The following PTPRS variants were observed in gnomAD, a reference collection of about 807,000 sequenced individuals.
The protein encoded by PTPRS is receptor-type tyrosine-protein phosphatase S.
PTPRS carries 63 observed loss-of-function variants against 215.3 expected under a neutral mutation model. The ratio of observed to expected loss-of-function variants is 0.29; its 90% CI spans 0.24 to 0.36. The LOEUF (loss-of-function observed/expected upper bound fraction) is 0.36. Ranked by LOEUF, PTPRS falls within the 10% of genes least tolerant of loss-of-function variation. The pLI is 1.00. For synonymous variants in PTPRS, 1,404 were observed against 1,191.4 expected (o/e 1.18, Z -3.68); for missense variants, 2,258 against 2,825.8 (o/e 0.80, Z 4.56).
At chr19:5,337,513 C>A (rs2050544061) in intron 1 of PTPRS, among the ~76,000 whole-genome samples, 1 of 152,218 alleles carries the variant, frequency 6.6e-6, no homozygotes, top group Admixed American at 6.5e-5. Context: ...TGGAGGTGTG[C>A]GCTGCCCTCA....
rs377699003 is a variant in PTPRS, at chr19:5,225,855, G to A, written c.2377-11C>T. 9.8e-5 allele frequency: 158 copies of A among 1,608,988 alleles called. No individual in the cohort carries two copies. The highest frequency in any genetic ancestry group is 8.1e-4 in the African/African-American group (61 of 74,910). On this transcript the variant is annotated splice_polypyrimidine_tract_variant and intron_variant, in intron 16 of 37. Transcript: ENST00000262963. ...TGTGATGACCATCTCCTGCAGGCAC[G>A]GCTGGGGGTCAGCACGACGGCTGGG... is the stretch of plus-strand genomic sequence containing the variant.
chr19:5,325,375 C>T (rs2147243857), intron 1 of PTPRS, among the ~76,000 whole-genome samples: 1 of 152,380 alleles, frequency 6.6e-6, no homozygotes, highest in East Asian at 1.9e-4. Context: ...AGTTCAACTG[C>T]TACGGAGTCG....
chr19:5,211,219 G>A (rs575296280), intron 33 of PTPRS, among the ~76,000 whole-genome samples: 27 of 152,292 alleles, frequency 1.8e-4, no homozygotes, highest in African/African-American at 2.9e-4. Flanking sequence ...GACATTTGGC[G>A]CTGGATTGTT....
Position 5,221,064 on chromosome 19 carries a change from T to C in PTPRS, c.3391A>G (p.Lys1131Glu). The C allele has an allele frequency of 4.3e-6, 7 of 1,613,768 alleles. No homozygotes were observed. The highest frequency in any genetic ancestry group is 5.1e-6 in the Non-Finnish European group (6 of 1,179,968). Reference sequence around the variant, plus strand: ...ATGATGAAGCCGTCAGCATCAGGCTTGGGGGCGACGCTGGGCTTGCCGTTG... The same window carrying C: ...ATGATGAAGCCGTCAGCATCAGGCTCGGGGGCGACGCTGGGCTTGCCGTTG... ...LLNGKPSVAP[K>E]PDADGFIMVY... The change falls in exon 20 of 38, where the codon AAG becomes GAG. Residue 1131 changes from lysine to glutamate, a missense_variant. Physicochemically the swap from Lys to Glu is moderately conservative, Grantham distance 56. This residue lies in a region of PTPRS where 927 missense variants were observed against 1,125.9 expected (regional missense o/e 0.82). Coordinates refer to ENST00000262963, the MANE Select transcript of PTPRS (RefSeq NM_002850.4).
rs769362751 is a variant in PTPRS at position 5,212,391 on chromosome 19, C to T, written c.4715G>A (p.Arg1572Gln). ...TGGCGGGTTGCAGGTCTTGACTCTCCGCAGGAAAGCCAGGAAGGGCGTTGG... is the reference window on the plus strand; with the variant it reads ...TGGCGGGTTGCAGGTCTTGACTCTCTGCAGGAAAGCCAGGAAGGGCGTTGG... ...EYPTPFLAFLRRVKTCNPPDA... is the reference protein window; with the variant it reads ...EYPTPFLAFLQRVKTCNPPDA... Residue 1572 changes from arginine (R) to glutamine (Q), a missense_variant, in exon 31 of 38, where the codon CGG (arginine) becomes CAG (glutamine). Transcript: ENST00000262963. 1.3e-5 allele frequency: 21 copies of T among 1,607,372 alleles called. No individual in the cohort carries two copies. Among genetic ancestry groups the T allele is most frequent in the East Asian group, 9.0e-5 (4 of 44,542 alleles).
At chr19:5,219,616 G>C (rs984228482) in intron 22 of PTPRS, 149 bp from the exon 23 acceptor site, 50 of 1,009,798 alleles carry the variant, frequency 5.0e-5, no homozygotes, top group Non-Finnish European at 6.8e-5. Flanking sequence ...ATGTGACCTG[G>C]TCCCTGCCAA....
At chr19:5,311,158 A>G (rs1033417636) in intron 1 of PTPRS, among the ~76,000 whole-genome samples, 1 of 151,932 alleles carries the variant, frequency 6.6e-6, no homozygotes, top group African/African-American at 2.4e-5. Flanking sequence ...GATTACAGGC[A>G]TGAGCCACTG....
intron 1 of PTPRS, among the ~76,000 whole-genome samples, chr19:5,305,334 C>G (rs964008802): frequency 6.6e-6 from 1 of 151,912 alleles, no homozygotes; most frequent in East Asian, 1.9e-4. Context: ...CCACTTGAGG[C>G]CAGGAGTTGA....
chr19:5,242,993 T>C (rs899549965), intron 11 of PTPRS, among the ~76,000 whole-genome samples: 1 of 152,106 alleles, frequency 6.6e-6, no homozygotes, highest in Admixed American at 6.5e-5. Flanking sequence ...GTCCTATATA[T>C]GTTTCTTAAG....
intron 9 of PTPRS, among the ~76,000 whole-genome samples, chr19:5,255,253 A>G (rs1463152294): frequency 6.6e-6 from 1 of 152,086 alleles, no homozygotes; most frequent in African/African-American, 2.4e-5. Context: ...CACCCCACCC[A>G]TGTTCTGACC....
rs1599865390 is a variant in PTPRS, at chr19:5,274,326, T to C, written c.110A>G (p.Lys37Arg). The change falls in exon 3 of 38, where the codon AAA becomes AGA. Residue 37 changes from lysine (K) to arginine (R), a missense_variant. This residue lies in a region of PTPRS where 508 missense variants were observed against 799.4 expected (regional missense o/e 0.64). Coordinates refer to ENST00000262963, the MANE Select transcript of PTPRS (RefSeq NM_002850.4). ...CAAEEPPRFI[K>R]EPKDQIGVSG... ...CACGCCGATCTGGTCCTTGGGTTCT[T>C]TGATAAACCTGGGGGGCTCTGGGGA... 2.0e-6 allele frequency: 3 copies of C among 1,489,006 alleles called. No homozygotes were observed. The highest frequency in any genetic ancestry group is 1.4e-5 in the African/African-American group (1 of 70,210). 92.2% of individuals were successfully genotyped at this position (1,489,006 alleles called of 1,614,324 possible). A position where few individuals can be genotyped will look rare whatever the true frequency, so the allele number is the denominator to read the frequency against.
At chr19:5,315,948 G>A (rs946995580) in intron 1 of PTPRS, among the ~76,000 whole-genome samples, 17 of 149,828 alleles carry the variant, frequency 1.1e-4, no homozygotes, top group Non-Finnish European at 2.1e-4. Context: ...TAAAAAATTT[G>A]CACAGATCTG....
At chr19:5,320,734 T>A (rs575230303) in intron 1 of PTPRS, among the ~76,000 whole-genome samples, 1 of 152,104 alleles carries the variant, frequency 6.6e-6, no homozygotes, top group Non-Finnish European at 1.5e-5. Flanking sequence ...CCTGGATTTC[T>A]TTACAATCGT....
intron 11 of PTPRS, among the ~76,000 whole-genome samples, chr19:5,243,631 C>T (rs957139872): frequency 3.3e-5 from 5 of 152,016 alleles, no homozygotes; most frequent in African/African-American, 1.2e-4. Context: ...AAGCACAGGC[C>T]ACCACGCCCG....
At chr19:5,242,172 C>G (rs964176967) in intron 11 of PTPRS, among the ~76,000 whole-genome samples, 3 of 150,206 alleles carry the variant, frequency 2.0e-5, no homozygotes, top group African/African-American at 7.4e-5. Flanking sequence ...GCGCTGGTCC[C>G]TCTAATGAGA....
chr19:5,226,468 C>T (rs147690698), intron 16 of PTPRS, among the ~76,000 whole-genome samples: 1,690 of 152,140 alleles, frequency 0.011, 30 homozygotes, highest in African/African-American at 0.039. Context: ...CAGTGGCTGA[C>T]GCCTGTAATC....
intron 4 of PTPRS, among the ~76,000 whole-genome samples, chr19:5,267,198 C>T (rs577238247): frequency 9.4e-4 from 125 of 132,814 alleles, no homozygotes; most frequent in African/African-American, 3.2e-3. Flanking sequence ...AAATGGAGAC[C>T]GGTGGTGATG....
intron 14 of PTPRS, among the ~76,000 whole-genome samples, chr19:5,230,102 G>A (rs2042894152): frequency 6.6e-6 from 1 of 152,200 alleles, no homozygotes; most frequent in Non-Finnish European, 1.5e-5. Context: ...ATTTGCACCA[G>A]GCAGTCCAGC....
chr19:5,206,060 T>TA lies in PTPRS; in HGVS notation c.*713dup, dbSNP rs545658474. 0.035 allele frequency among the ~76,000 whole-genome samples: 2,475 copies of TA among 70,230 alleles called. 45 individuals are homozygous for TA. Among genetic ancestry groups the TA allele is most frequent in the African/African-American group, 0.077 (1,471 of 18,990 alleles). The allele number at this position is 70,230 out of a possible 152,430, so 46.1% of individuals were successfully genotyped here. A position where few individuals can be genotyped will look rare whatever the true frequency, so the allele number is the denominator to read the frequency against. Reference sequence around the variant, plus strand: ...CACACTTTCTGATGGTAGGAAAAATTAAAAAAAAAAAAAAAAAAAAAAAAG... The same window carrying TA: ...CACACTTTCTGATGGTAGGAAAAATTAAAAAAAAAAAAAAAAAAAAAAAAAG... On this transcript the variant is annotated 3_prime_UTR_variant, in exon 38 of 38. Coordinates refer to ENST00000262963, the MANE Select transcript of PTPRS (RefSeq NM_002850.4).
Sources: gnomAD v4.1 joint callset for allele counts (sites outside exome capture counted in the v4.1 genomes callset) on GRCh38, gnomAD v4.1.1 for gene constraint, gnomAD v4.1.1 regional missense constraint, MANE v1.5 for transcripts, NCBI Gene and HGNC (gene_info 2026-07-23, HGNC 2026-07-21) for gene names.